Variants in GRM7 observed in about 807,000 individuals in gnomAD.
The protein encoded by GRM7 is glutamate metabotropic receptor 7.
GRM7 carries 35 observed loss-of-function variants against 84.5 expected under a neutral mutation model. The ratio of observed to expected loss-of-function variants is 0.41; its 90% confidence interval spans 0.32 to 0.55. The LOEUF (loss-of-function observed/expected upper bound fraction) is 0.55. Ranked by LOEUF, GRM7 falls within the 20% of genes least tolerant of loss-of-function variation. GRM7 has a pLI of 0.19. For missense variants in GRM7, 1,003 were observed against 1,194.6 expected (o/e 0.84, Z 2.36); for synonymous variants, 487 against 455.1 (o/e 1.07, Z -0.89).
intron 1 of GRM7, among the ~76,000 whole-genome samples, chr3:6,877,564 G>A (rs1182324434): frequency 2.6e-5 from 4 of 152,126 alleles, no homozygotes; most frequent in African/African-American, 9.7e-5. Context: ...CAGTGGCAAT[G>A]GGGCCTAGCA....
intron 1 of GRM7, among the ~76,000 whole-genome samples, chr3:7,133,673 A>C (rs911465995): frequency 1.3e-5 from 2 of 152,360 alleles, no homozygotes; most frequent in South Asian, 2.1e-4. Context: ...GTCTAGGATC[A>C]TATTTAATCA....
At chr3:7,182,446 G>T (rs1695371897) in intron 2 of GRM7, among the ~76,000 whole-genome samples, 1 of 152,026 alleles carries the variant, frequency 6.6e-6, no homozygotes, top group African/African-American at 2.4e-5. Flanking sequence ...ATTGTATTTT[G>T]TTCTCCTTAG....
chr3:7,552,250 A>C (rs1655596015), intron 7 of GRM7, among the ~76,000 whole-genome samples: 1 of 152,200 alleles, frequency 6.6e-6, no homozygotes, highest in African/African-American at 2.4e-5. Flanking sequence ...TGGTTCTCAC[A>C]GTCTTGGGCA....
chr3:7,553,005 A>G (rs1345393751), intron 7 of GRM7, among the ~76,000 whole-genome samples: 4 of 152,212 alleles, frequency 2.6e-5, no homozygotes, highest in South Asian at 2.1e-4. Flanking sequence ...CCTTTTAAAC[A>G]TAAGTTCCAA....
chr3:7,725,773 T>G (rs958575307), intron 9 of GRM7, among the ~76,000 whole-genome samples: 3 of 152,208 alleles, frequency 2.0e-5, no homozygotes, highest in Non-Finnish European at 4.4e-5. Context: ...GGCTGTCCAC[T>G]TTCTACTTTC....
intron 2 of GRM7, among the ~76,000 whole-genome samples, chr3:7,207,567 A>T (rs1354908308): frequency 2.0e-5 from 3 of 152,182 alleles, no homozygotes; most frequent in African/African-American, 7.2e-5. Flanking sequence ...TTCATCTAAC[A>T]TGTAGCTCCT....
At chr3:7,585,583 AAG>A (rs1695481823) in intron 8 of GRM7, among the ~76,000 whole-genome samples, 1 of 152,210 alleles carries the variant, frequency 6.6e-6, no homozygotes, top group Admixed American at 6.5e-5. Context: ...GATACTCAGA[AAG>A]AGAAATTCCT....
intron 2 of GRM7, among the ~76,000 whole-genome samples, chr3:7,157,915 A>G (rs571302336): frequency 7.9e-5 from 12 of 152,210 alleles, no homozygotes; most frequent in Admixed American, 6.5e-4. Flanking sequence ...ACTCCTTAAG[A>G]AGGAAAATGA....
chr3:7,530,754 G>A (rs1701006671), intron 7 of GRM7, among the ~76,000 whole-genome samples: 1 of 150,570 alleles, frequency 6.6e-6, no homozygotes, highest in African/African-American at 2.4e-5. Context: ...TTTGAGGAGT[G>A]TCTGTTCTTA....
intron 8 of GRM7, among the ~76,000 whole-genome samples, chr3:7,650,256 C>T (rs1398556391): frequency 1.3e-5 from 2 of 152,214 alleles, no homozygotes; most frequent in East Asian, 3.9e-4. Context: ...TGAATTCTGG[C>T]TCTGCCCCTT....
At chr3:6,888,352 T>A (rs1695787964) in intron 1 of GRM7, among the ~76,000 whole-genome samples, 1 of 152,238 alleles carries the variant, frequency 6.6e-6, no homozygotes, top group African/African-American at 2.4e-5. Context: ...TTCTAGGGTT[T>A]TTATGGTTTT....
chr3:6,951,442 G>T (rs2125069584), intron 1 of GRM7, among the ~76,000 whole-genome samples: 1 of 151,972 alleles, frequency 6.6e-6, no homozygotes, highest in Non-Finnish European at 1.5e-5. Flanking sequence ...TTCCCCTTAA[G>T]TACTACTTTA....
At chr3:7,582,269 G>A (rs1311961923) in intron 8 of GRM7, among the ~76,000 whole-genome samples, 1 of 152,180 alleles carries the variant, frequency 6.6e-6, no homozygotes, top group African/African-American at 2.4e-5. Context: ...GCCTCAGGTA[G>A]GGAACATACA....
chr3:7,739,658 C>A (rs966530099), intron 9 of GRM7, among the ~76,000 whole-genome samples: 1 of 152,060 alleles, frequency 6.6e-6, no homozygotes, highest in Non-Finnish European at 1.5e-5. Context: ...CCTGTGGCTG[C>A]AATACAGTAG....
intron 8 of GRM7, among the ~76,000 whole-genome samples, chr3:7,638,619 G>A (rs1449636923): frequency 6.6e-6 from 1 of 152,116 alleles, no homozygotes; most frequent in East Asian, 1.9e-4. Flanking sequence ...TATTTTTTCT[G>A]AAATTGGCAT....
chr3:7,496,769 A>G (rs1201199773), intron 7 of GRM7, among the ~76,000 whole-genome samples: 1 of 151,886 alleles, frequency 6.6e-6, no homozygotes, highest in Non-Finnish European at 1.5e-5. Context: ...AGAAAAATAT[A>G]ATTATAGATA....
At chr3:7,248,588 G>C (rs1697861722) in intron 2 of GRM7, among the ~76,000 whole-genome samples, 1 of 152,016 alleles carries the variant, frequency 6.6e-6, no homozygotes, top group South Asian at 2.1e-4. Flanking sequence ...TTTATGACAT[G>C]CAAATTTTTA....
chr3:7,676,798 A>C (rs971364400), intron 8 of GRM7, among the ~76,000 whole-genome samples: 12 of 152,212 alleles, frequency 7.9e-5, no homozygotes, highest in Admixed American at 7.9e-4. Context: ...AACATGCTGT[A>C]AAGGTTTGTA....
At chr3:7,686,548 A>G in intron 9 of GRM7, 2 of 616,018 alleles carry the variant, frequency 3.2e-6, no homozygotes, top group South Asian at 4.2e-5. Flanking sequence ...CTGAAAATAT[A>G]TCTATAGGAA....
Sources: allele counts gnomAD v4.1 joint callset (sites outside exome capture counted in the v4.1 genomes callset), GRCh38; gene constraint gnomAD v4.1.1; transcripts MANE v1.5; gene names NCBI Gene and HGNC (gene_info 2026-07-23, HGNC 2026-07-21).